Variants in SIM1 observed in about 807,000 individuals in gnomAD.
SIM1 encodes the protein SIM bHLH transcription factor 1.
Under a neutral mutation model 78.2 loss-of-function variants are expected in SIM1, and 18 were observed. The observed-to-expected ratio is 0.23, with a 90% CI of 0.16 to 0.34. The LOEUF (loss-of-function observed/expected upper bound fraction) is 0.34, where lower values mean the gene tolerates loss of function less well. Ranked by LOEUF, SIM1 falls within the 10% of genes least tolerant of loss-of-function variation. SIM1 has a pLI of 1.00. For missense variants in SIM1, 939 were observed against 975.1 expected, an observed-to-expected ratio of 0.96 and a Z score of 0.49; for synonymous variants, 417 against 385.2, an observed-to-expected ratio of 1.08 and a Z score of -0.97.
At chr6:100,422,137 T>C (rs1469590733) in intron 9 of SIM1, among the ~76,000 whole-genome samples, 1 of 152,238 alleles carries the variant, frequency 6.6e-6, no homozygotes. Flanking sequence ...GATTCTCTAA[T>C]GGGTTTGCCT....
chr6:100,388,598 T>A lies in SIM1; in HGVS notation c.*1763A>T, dbSNP rs1770563081. 1 of 152,174 alleles carries A rather than the reference T, an allele frequency of 6.6e-6. No individual in the cohort carries two copies. The highest frequency in any genetic ancestry group is 1.5e-5 in the Non-Finnish European group (1 of 68,020). The allele number at this position is 152,174 out of a possible 1,614,324, so 9.4% of individuals were successfully genotyped here. ...CAGATTGTCACCTACCTATGGACTG[T>A]GAAATAACTGTGTTAAATGATGAAA... On this transcript the variant is annotated 3_prime_UTR_variant, in exon 12 of 12. Transcript: ENST00000369208.
rs959625240 is a variant in SIM1 at position 100,448,169 on chromosome 6, T to G, written c.827A>C (p.His276Pro). Reference protein sequence around the residue: ...YHHVHGCDTFHLRCAHHLLLV... With the variant: ...YHHVHGCDTFPLRCAHHLLLV... ...ACGCAAATGGTGCGCGCAGCGCAGG[T>G]GGAAGGTGTCGCAGCCGTGCACATG... The change falls in exon 8 of 12, where the codon CAC becomes CCC. Residue 276 changes from histidine (H) to proline (P), a missense_variant. His to Pro is a moderately conservative substitution (Grantham distance 77). Around this residue, in one of 5 missense-constraint regions of SIM1, gnomAD observed 66 missense variants for 108.4 expected, o/e 0.61. Coordinates refer to ENST00000369208, the MANE Select transcript of SIM1 (RefSeq NM_005068.3). 1 of 1,613,554 alleles carries G rather than the reference T, an allele frequency of 6.2e-7. No homozygotes were observed. The highest frequency in any genetic ancestry group is 8.5e-7 in the Non-Finnish European group (1 of 1,179,868).
intron 3 of SIM1, among the ~76,000 whole-genome samples, chr6:100,450,696 T>A (rs3957419): frequency 0.047 from 4,305 of 91,874 alleles, 110 homozygotes; most frequent in East Asian, 0.069. Context: ...TCTCTCTCTC[T>A]CACACACACA....
intron 9 of SIM1, among the ~76,000 whole-genome samples, chr6:100,445,233 G>A (rs570701837): frequency 1.7e-4 from 26 of 152,272 alleles, no homozygotes; most frequent in Admixed American, 5.9e-4. Flanking sequence ...TTCGTCTAAA[G>A]CAATTTCCAC....
chr6:100,420,488 A>C (rs537447576), intron 10 of SIM1, among the ~76,000 whole-genome samples: 1 of 152,070 alleles, frequency 6.6e-6, no homozygotes, highest in Non-Finnish European at 1.5e-5. Flanking sequence ...CATCATGGTC[A>C]CTCACTGGGT....
Position 100,420,879 on chromosome 6 carries a change from A to T in SIM1, c.1078T>A (p.Ser360Thr), listed in dbSNP as rs1249701308. The change falls in exon 10 of 12, where the codon TCC becomes ACC. Residue 360 changes from serine (S) to threonine (T), a missense_variant. Ser to Thr is a moderately conservative substitution (Grantham distance 58, BLOSUM62 1). Around this residue, in one of 5 missense-constraint regions of SIM1, gnomAD observed 556 missense variants for 521.9 expected, o/e 1.07. Coordinates refer to ENST00000369208, the MANE Select transcript of SIM1 (RefSeq NM_005068.3). ...CTGTTGTCAGTCATGGTGGGGGTGG[A>T]GCTGCTGGTATAGGAGAAGGCTGGT... ...SKPAFSYTSS[S>T]TPTMTDNRKG... 6.2e-7 allele frequency: 1 copy of T among 1,613,786 alleles called. No individual in the cohort carries two copies. Among genetic ancestry groups the T allele is most frequent in the Non-Finnish European group, 8.5e-7 (1 of 1,179,940 alleles).
chr6:100,461,208 G>A (rs915611113), intron 2 of SIM1, among the ~76,000 whole-genome samples: 2 of 152,172 alleles, frequency 1.3e-5, no homozygotes, highest in Admixed American at 1.3e-4. Context: ...ACGAGAGGTT[G>A]GCTGTAAGAG....
intron 2 of SIM1, among the ~76,000 whole-genome samples, chr6:100,459,928 C>T (rs552630307): frequency 2.6e-5 from 4 of 152,134 alleles, no homozygotes; most frequent in Non-Finnish European, 5.9e-5. Context: ...TTAGATCCTG[C>T]CCCTCTGGCT....
At chr6:100,405,506 A>G (rs1473791690) in intron 10 of SIM1, among the ~76,000 whole-genome samples, 1 of 152,034 alleles carries the variant, frequency 6.6e-6, no homozygotes, top group Non-Finnish European at 1.5e-5. Context: ...ATTTCCCCCC[A>G]TTATTTTATA....
intron 10 of SIM1, among the ~76,000 whole-genome samples, chr6:100,415,547 G>A (rs1771376551): frequency 6.6e-6 from 1 of 152,064 alleles, no homozygotes; most frequent in Non-Finnish European, 1.5e-5. Context: ...GACCTCTCCT[G>A]TCCCAAGTAA....
chr6:100,418,666 A>G (rs1457586167), intron 10 of SIM1, among the ~76,000 whole-genome samples: 4 of 152,146 alleles, frequency 2.6e-5, no homozygotes, highest in Admixed American at 6.5e-5. Flanking sequence ...CTTAATTTCT[A>G]TATAACAATA....
chr6:100,449,796 G>T, intron 4 of SIM1, 97 bp from the exon 5 acceptor site: 1 of 993,166 alleles, frequency 1.0e-6, no homozygotes, highest in Non-Finnish European at 1.6e-6. Flanking sequence ...CATGAGGACA[G>T]CAGCCAGAAT....
In SIM1 at chr6:100,386,524, T is replaced by C. The variant is rs1770517947; in HGVS notation, c.*3837A>G. 1 of 152,084 alleles carries C rather than the reference T, an allele frequency of 6.6e-6. No homozygotes were observed. Among genetic ancestry groups the C allele is most frequent in the South Asian group, 2.1e-4 (1 of 4,832 alleles). The allele number at this position is 152,084 out of a possible 1,614,324, so 9.4% of individuals were successfully genotyped here. A position where few individuals can be genotyped will look rare whatever the true frequency, so the allele number is the denominator to read the frequency against. ...AAATCTTGTATTTCATTTTAAAATATATATGCATATTTTCCAAATGGTCTT... is the reference window on the plus strand; with the variant it reads ...AAATCTTGTATTTCATTTTAAAATACATATGCATATTTTCCAAATGGTCTT... On this transcript the variant is annotated 3_prime_UTR_variant, in exon 12 of 12. Transcript: ENST00000369208.
intron 10 of SIM1, among the ~76,000 whole-genome samples, chr6:100,400,840 T>C (rs968075095): frequency 6.6e-6 from 1 of 152,078 alleles, no homozygotes; most frequent in African/African-American, 2.4e-5. Context: ...TTAGAAAATA[T>C]ACATTTTGCA....
chr6:100,463,424 C>A lies in SIM1; in HGVS notation c.45G>T (p.Lys15Asn), dbSNP rs1420952151. ...SKNAARTRRE[K>N]ENSEFYELAK... ...CCAGTTCATAAAATTCACTGTTTTCCTTCTCCCTCCTAGTCCGCGCAGCAT... is the reference window on the plus strand; with the variant it reads ...CCAGTTCATAAAATTCACTGTTTTCATTCTCCCTCCTAGTCCGCGCAGCAT... The change falls in exon 2 of 12, where the codon AAG (lysine) becomes AAT (asparagine). Residue 15 changes from lysine (K) to asparagine (N), a missense_variant. Physicochemically the swap from Lys to Asn is moderately conservative, Grantham distance 94. Transcript: ENST00000369208. The A allele has an allele frequency of 1.2e-6, 2 of 1,613,750 alleles. No individual in the cohort carries two copies. The highest frequency in any genetic ancestry group is 1.7e-6 in the Non-Finnish European group (2 of 1,179,800).
chr6:100,461,785 G>T (rs538396140), intron 2 of SIM1, among the ~76,000 whole-genome samples: 1 of 150,700 alleles, frequency 6.6e-6, no homozygotes, highest in Admixed American at 6.6e-5. Context: ...AACGGGAAAT[G>T]TGGTTTTTAG....
intron 9 of SIM1, among the ~76,000 whole-genome samples, chr6:100,431,596 A>G (rs955439334): frequency 6.6e-6 from 1 of 152,188 alleles, no homozygotes; most frequent in African/African-American, 2.4e-5. Context: ...TTTGCTAGAG[A>G]TTTTGGATTG....
chr6:100,416,376 A>G (rs887823747), intron 10 of SIM1, among the ~76,000 whole-genome samples: 1 of 152,196 alleles, frequency 6.6e-6, no homozygotes, highest in African/African-American at 2.4e-5. Flanking sequence ...AAATCTAGAT[A>G]TGCCTAATAC....
intron 10 of SIM1, among the ~76,000 whole-genome samples, chr6:100,415,412 A>G (rs1220329122): frequency 6.6e-6 from 1 of 152,228 alleles, no homozygotes; most frequent in Admixed American, 6.5e-5. Flanking sequence ...TAATAATAAA[A>G]TACAACTGTC....
Sources: allele counts gnomAD v4.1 joint callset (sites outside exome capture counted in the v4.1 genomes callset), GRCh38; gene constraint gnomAD v4.1.1; regional missense constraint gnomAD v4.1.1; transcripts MANE v1.5; gene names NCBI Gene and HGNC (gene_info 2026-07-23, HGNC 2026-07-21).